Variants in MRPL48 observed in about 807,000 individuals in gnomAD.
MRPL48 encodes the protein large ribosomal subunit protein mL48.
MRPL48 carries 16 observed loss-of-function variants against 32.9 expected under a neutral mutation model. The observed-to-expected ratio is 0.49, with a 90% CI of 0.33 to 0.74. The LOEUF is 0.74. MRPL48 is among the 30% of genes least tolerant of loss of function. The pLI is 0.02. For synonymous variants in MRPL48, 94 were observed against 89.2 expected (o/e 1.05, Z -0.31); for missense variants, 206 against 245.3 (o/e 0.84, Z 1.07).
At chr11:73,851,660 G>A (rs920411357) in intron 5 of MRPL48, among the ~76,000 whole-genome samples, 1 of 151,946 alleles carries the variant, frequency 6.6e-6, no homozygotes, top group Admixed American at 6.6e-5. Context: ...CTTCTGGATG[G>A]GGACTGTGTT....
rs1008466916 is a variant in MRPL48, at chr11:73,864,685, C to T, written c.*315C>T. 2.8e-5 allele frequency: 9 copies of T among 324,562 alleles called. No individual in the cohort carries two copies. Among genetic ancestry groups the T allele is most frequent in the Middle Eastern group, 1.9e-3 (2 of 1,060 alleles). 20.1% of individuals were successfully genotyped at this position (324,562 alleles called of 1,614,324 possible). On this transcript the variant is annotated 3_prime_UTR_variant, in exon 8 of 8. Transcript: ENST00000310614. ...GAGATTCTATATTCTGGCCAGGCAC[C>T]GTGGTGCATCCCTGTAATCCCAGCA... is the stretch of plus-strand genomic sequence containing the variant.
At chr11:73,862,151 G>A (rs771671229) in intron 6 of MRPL48, among the ~76,000 whole-genome samples, 5 of 152,176 alleles carry the variant, frequency 3.3e-5, no homozygotes, top group African/African-American at 7.2e-5. Flanking sequence ...AGCTGGGCAC[G>A]GTGGCTGACG....
At chr11:73,816,250 A>G (rs1203681613) in intron 3 of MRPL48, among the ~76,000 whole-genome samples, 2 of 148,770 alleles carry the variant, frequency 1.3e-5, no homozygotes, top group Non-Finnish European at 3.0e-5. Flanking sequence ...TTTAGTAGAG[A>G]CGGGGTTTCA....
At chr11:73,818,636 G>T (rs1359999831) in intron 3 of MRPL48, among the ~76,000 whole-genome samples, 1 of 152,244 alleles carries the variant, frequency 6.6e-6, no homozygotes, top group East Asian at 1.9e-4. Flanking sequence ...GGGCCTTACA[G>T]TCTGTTGAGT....
chr11:73,810,613 G>A lies in MRPL48; in HGVS notation c.112+2263G>A, dbSNP rs148535390. ...CTGGGTTACATGTGCAGAACGTGCAGTTTTGTTACATAGATACACGTGCCC... is the reference window on the plus strand; with the variant it reads ...CTGGGTTACATGTGCAGAACGTGCAATTTTGTTACATAGATACACGTGCCC... On this transcript the variant is annotated intron_variant, in intron 3 of 7. Transcript: ENST00000310614. 6.2e-3 allele frequency among the ~76,000 whole-genome samples: 930 copies of A among 149,744 alleles called. 11 individuals are homozygous for A. The highest frequency in any genetic ancestry group is 0.022 in the African/African-American group (886 of 40,388).
At chr11:73,803,781 G>A (rs1053903389) in intron 1 of MRPL48, among the ~76,000 whole-genome samples, 3 of 151,964 alleles carry the variant, frequency 2.0e-5, no homozygotes, top group Admixed American at 6.6e-5. Flanking sequence ...AAGAACAGAC[G>A]TTTGTTTGGA....
intron 5 of MRPL48, chr11:73,851,021 G>A: frequency 2.1e-6 from 1 of 469,106 alleles, no homozygotes. Flanking sequence ...GGCAAGAGCT[G>A]CCATCAAAGA....
intron 1 of MRPL48, among the ~76,000 whole-genome samples, chr11:73,792,179 C>A (rs1033315121): frequency 5.3e-5 from 8 of 152,186 alleles, no homozygotes; most frequent in Non-Finnish European, 1.2e-4. Flanking sequence ...GGCATTCATG[C>A]TGATATTTAT....
intron 4 of MRPL48, among the ~76,000 whole-genome samples, chr11:73,831,031 G>A (rs4944868): frequency 0.09 from 13,683 of 151,788 alleles, 734 homozygotes; most frequent in South Asian, 0.26. Context: ...GTAGAGATGG[G>A]GTTTCATCAT....
chr11:73,855,086 T>C (rs1268916068), intron 5 of MRPL48, among the ~76,000 whole-genome samples: 2 of 152,154 alleles, frequency 1.3e-5, no homozygotes, highest in African/African-American at 4.8e-5. Context: ...TTGGCTGCTA[T>C]TATTATTACT....
chr11:73,812,737 TA>T (rs1947590719), intron 3 of MRPL48, among the ~76,000 whole-genome samples: 1 of 144,056 alleles, frequency 6.9e-6, no homozygotes, highest in African/African-American at 2.6e-5. Flanking sequence ...TATATATATA[TA>T]TATTTATTTA....
chr11:73,809,481 G>T (rs918637852), intron 3 of MRPL48, among the ~76,000 whole-genome samples: 3 of 150,432 alleles, frequency 2.0e-5, no homozygotes, highest in African/African-American at 7.4e-5. Context: ...TCCAGCCTGG[G>T]CGACAGAGCG....
chr11:73,787,876 C>G lies in MRPL48; in HGVS notation c.-96C>G, dbSNP rs1947066396. Reference sequence around the variant, plus strand: ...GTGGGATATTGCTGCTGCACCTGGTCAAGGCCGTTCCTTCAGTGTTTTCAG... The same window carrying G: ...GTGGGATATTGCTGCTGCACCTGGTGAAGGCCGTTCCTTCAGTGTTTTCAG... On this transcript the variant is annotated 5_prime_UTR_variant, in exon 1 of 8. Transcript: ENST00000310614. 3 of 1,485,286 alleles carry G rather than the reference C, an allele frequency of 2.0e-6. No homozygotes were observed. In the South Asian group the frequency reaches 3.8e-5, roughly 19 times the overall value. The allele number at this position is 1,485,286 out of a possible 1,614,324, so 92.0% of individuals were successfully genotyped here.
chr11:73,823,951 G>A (rs2135006865), intron 3 of MRPL48, among the ~76,000 whole-genome samples: 1 of 151,604 alleles, frequency 6.6e-6, no homozygotes, highest in East Asian at 2.0e-4. Context: ...CGCCTCCTGG[G>A]TTCAAGTGAT....
chr11:73,814,813 G>C (rs1447020258), intron 3 of MRPL48, among the ~76,000 whole-genome samples: 1 of 151,912 alleles, frequency 6.6e-6, no homozygotes, highest in Non-Finnish European at 1.5e-5. Flanking sequence ...GGTCAACATG[G>C]TGAAACCCTG....
rs144674310 is a variant in MRPL48, at chr11:73,819,347, C to T, written c.113-6361C>T. ...ACTTTCACCTACGATGTGTTATCAT[C>T]GCAAAGATCCTTTTTGGTTCTGCTT... is the stretch of plus-strand genomic sequence containing the variant. On this transcript the variant is annotated intron_variant, in intron 3 of 7. Transcript: ENST00000310614. Among the ~76,000 whole-genome samples the T allele has an allele frequency of 7.9e-5, 12 of 152,324 alleles. No individual in the cohort carries two copies. In the East Asian group the frequency reaches 9.6e-4, roughly 12 times the overall value.
chr11:73,799,408 G>C (rs555495526), intron 1 of MRPL48, among the ~76,000 whole-genome samples: 1 of 152,154 alleles, frequency 6.6e-6, no homozygotes. Flanking sequence ...AATAAAATAA[G>C]AGCTGTCATG....
At chr11:73,807,631 CTTTTT>C (rs777408873) in intron 2 of MRPL48, among the ~76,000 whole-genome samples, 1 of 106,822 alleles carries the variant, frequency 9.4e-6, no homozygotes, top group Non-Finnish European at 1.8e-5. Context: ...GTATTATTAT[CTTTTT>C]TTTTTTTTTT....
chr11:73,798,539 C>T (rs867116899), intron 1 of MRPL48, among the ~76,000 whole-genome samples: 1 of 152,092 alleles, frequency 6.6e-6, no homozygotes, highest in Non-Finnish European at 1.5e-5. Flanking sequence ...AGGCACAAAC[C>T]GTAGAAGTTA....
Sources: gnomAD v4.1 joint callset for allele counts (sites outside exome capture counted in the v4.1 genomes callset) on GRCh38, gnomAD v4.1.1 for gene constraint, MANE v1.5 for transcripts, NCBI Gene and HGNC (gene_info 2026-07-23, HGNC 2026-07-21) for gene names.